SAMHD1: variants seen among roughly 807,000 people sequenced by gnomAD.
SAMHD1 encodes the protein deoxynucleoside triphosphate triphosphohydrolase SAMHD1.
A neutral mutation model predicts 79.6 loss-of-function variants in SAMHD1; 54 were observed. The ratio of observed to expected loss-of-function variants is 0.68; its 90% CI spans 0.55 to 0.85. The LOEUF (loss-of-function observed/expected upper bound fraction) is 0.85. Ranked by LOEUF, SAMHD1 falls within the 40% of genes least tolerant of loss-of-function variation. SAMHD1 has a pLI of 0.00. For missense variants in SAMHD1, 663 were observed against 782.7 expected (o/e 0.85, Z 1.82); for synonymous variants, 260 against 264.1 (o/e 0.98, Z 0.15).
intron 2 of SAMHD1, among the ~76,000 whole-genome samples, chr20:36,943,031 TCTAAGC>T (rs941085043): frequency 1.5e-4 from 23 of 152,260 alleles, no homozygotes; most frequent in African/African-American, 5.5e-4. Flanking sequence ...GGAGTGCTTG[TCTAAGC>T]TGGATTCTCC....
chr20:36,929,365 A>T (rs2063554859), intron 5 of SAMHD1, among the ~76,000 whole-genome samples: 1 of 152,126 alleles, frequency 6.6e-6, no homozygotes, highest in South Asian at 2.1e-4. Flanking sequence ...CCCTGAGGGT[A>T]CACACAAACT....
chr20:36,922,592 G>A (rs1199360828), intron 6 of SAMHD1, among the ~76,000 whole-genome samples: 1 of 152,138 alleles, frequency 6.6e-6, no homozygotes, highest in East Asian at 1.9e-4. Context: ...TGCCCAGGCT[G>A]GTGTTGAACT....
In SAMHD1 at chr20:36,905,463, T is replaced by C. The variant is rs777239309; in HGVS notation, c.1311A>G (p.Lys437=). ...TTAAAATCTCTCGTGCGTCTTTCAA[T>C]TTGGGATCAGTAGAGTATAAAATCT... The part of the protein sequence containing the change: ...FLEILYSTDP[K]LKDAREILKQ... The change falls in exon 12 of 16, where the codon AAA becomes AAG. Residue 437 remains lysine (K), a synonymous_variant. Transcript: ENST00000646673. The C allele has an allele frequency of 6.2e-7, 1 of 1,613,160 alleles. No homozygotes were observed. Among genetic ancestry groups the C allele is most frequent in the Admixed American group, 1.7e-5 (1 of 59,998 alleles).
intron 3 of SAMHD1, chr20:36,940,384 A>C (rs1424523697): frequency 6.6e-6 from 1 of 152,570 alleles, no homozygotes; most frequent in Non-Finnish European, 1.5e-5. Context: ...ACTTCTAGGG[A>C]GAAAAGGATA....
intron 4 of SAMHD1, among the ~76,000 whole-genome samples, chr20:36,934,356 T>C (rs945279564): frequency 6.6e-6 from 1 of 151,394 alleles, no homozygotes; most frequent in Non-Finnish European, 1.5e-5. Flanking sequence ...AAACCCCGTC[T>C]CTACTAAAAT....
At chr20:36,893,564 A>G in intron 15 of SAMHD1, 1 of 284,238 alleles carries the variant, frequency 3.5e-6, no homozygotes, top group South Asian at 1.4e-4. Flanking sequence ...GGCTCCAGCC[A>G]AAGAAGCTCC....
chr20:36,921,959 G>C (rs906206656), intron 6 of SAMHD1, among the ~76,000 whole-genome samples: 2 of 152,140 alleles, frequency 1.3e-5, no homozygotes, highest in African/African-American at 4.8e-5. Context: ...AAAGTGCTGG[G>C]ATTACAGATG....
In SAMHD1 at chr20:36,894,691, C is replaced by T. The variant is rs1265541308; in HGVS notation, c.1747-1625G>A. On this transcript the variant is annotated intron_variant, in intron 15 of 15. Coordinates refer to ENST00000646673, the MANE Select transcript of SAMHD1 (RefSeq NM_015474.4). ...CGGAGGCAGGAGAATCACTTCAACC[C>T]GGGAGGTGGAGGTTGCAGTGAGCTG... Among the ~76,000 whole-genome samples the T allele has an allele frequency of 3.3e-5, 5 of 151,454 alleles. No individual in the cohort carries two copies. In the South Asian group the frequency reaches 6.3e-4, roughly 19 times the overall value.
chr20:36,950,673 C>T (rs1279312679), intron 1 of SAMHD1, among the ~76,000 whole-genome samples: 1 of 152,170 alleles, frequency 6.6e-6, no homozygotes, highest in African/African-American at 2.4e-5. Context: ...GCTGGGGATT[C>T]AGTGGTCAAC....
chr20:36,919,926 G>A (rs1704123721), intron 6 of SAMHD1, among the ~76,000 whole-genome samples: 1 of 152,050 alleles, frequency 6.6e-6, no homozygotes, highest in Admixed American at 6.6e-5. Flanking sequence ...AGGGGTAACT[G>A]CAAACTTGCC....
rs1601113209 is a variant in SAMHD1 at position 36,898,481 on chromosome 20, T to A, written c.1567A>T (p.Lys523Ter). 1.2e-6 allele frequency: 2 copies of A among 1,613,980 alleles called. No individual in the cohort carries two copies. The highest frequency in any genetic ancestry group is 4.5e-5 in the East Asian group (2 of 44,898). Residue 523 changes from lysine (K) to a stop codon, truncating the protein, a stop_gained, in exon 14 of 16, where the codon AAG becomes TAG. Coordinates refer to ENST00000646673, the MANE Select transcript of SAMHD1 (RefSeq NM_015474.4). LOFTEE classifies it high-confidence loss of function. Reference sequence around the variant, plus strand: ...CTGATTGCTCTGTTGGGGGCAGTCTTACAATAGAAGCTAACATGATCAATT... The same window carrying A: ...CTGATTGCTCTGTTGGGGGCAGTCTAACAATAGAAGCTAACATGATCAATT... ...NPIDHVSFYC[K>*]TAPNRAIRIT... is the part of the protein sequence containing the mutation.
At chr20:36,932,821 C>T (rs761471185) in intron 4 of SAMHD1, among the ~76,000 whole-genome samples, 5 of 151,386 alleles carry the variant, frequency 3.3e-5, no homozygotes, top group Admixed American at 6.6e-5. Context: ...TTTTGGCAAT[C>T]GATTGGTTGC....
chr20:36,912,553 C>T lies in SAMHD1; in HGVS notation c.1063-1G>A. On this transcript the variant is annotated splice_acceptor_variant, in intron 9 of 15. Coordinates refer to ENST00000646673, the MANE Select transcript of SAMHD1 (RefSeq NM_015474.4). LOFTEE classifies it high-confidence loss of function. ...ACATGTCATACAGATTTCCAACTTC[C>T]TGCAGGAAAACATGAAGTAAATATT... 1.2e-6 allele frequency: 2 copies of T among 1,600,810 alleles called. No individual in the cohort carries two copies. The highest frequency in any genetic ancestry group is 8.6e-7 in the Non-Finnish European group (1 of 1,168,358).
intron 15 of SAMHD1, 192 bp from the exon 16 acceptor site, chr20:36,893,258 C>A: frequency 1.5e-6 from 1 of 659,022 alleles, no homozygotes; most frequent in Non-Finnish European, 2.6e-6. Context: ...CAGTCTTACG[C>A]AGGAAGAGCC....
At chr20:36,940,962 C>G (rs1289602856) in intron 3 of SAMHD1, 77 bp downstream of exon 3, 1 of 1,110,048 alleles carries the variant, frequency 9.0e-7, no homozygotes, top group East Asian at 2.4e-5. Context: ...TCCTCCTATT[C>G]TCTTCAAAAT....
intron 2 of SAMHD1, 58 bp downstream of exon 2, chr20:36,946,680 C>G: frequency 7.2e-7 from 1 of 1,383,198 alleles, no homozygotes; most frequent in Non-Finnish European, 1.0e-6. Context: ...GGGCTTTGTC[C>G]CTGAAAGATG....
chr20:36,928,678 C>G (rs1485768051), intron 5 of SAMHD1, among the ~76,000 whole-genome samples: 1 of 148,012 alleles, frequency 6.8e-6, no homozygotes, highest in Non-Finnish European at 1.5e-5. Context: ...GAGCGAGATT[C>G]TGTCTCGGGA....
At chr20:36,943,721 T>A (rs188202124) in intron 2 of SAMHD1, among the ~76,000 whole-genome samples, 1 of 152,218 alleles carries the variant, frequency 6.6e-6, no homozygotes, top group East Asian at 1.9e-4. Context: ...AGTAAGCAAC[T>A]ATTATGTACA....
chr20:36,951,266 CG>C (rs1182614477), intron 1 of SAMHD1, among the ~76,000 whole-genome samples, 169 bp downstream of exon 1: 2 of 152,214 alleles, frequency 1.3e-5, no homozygotes, highest in African/African-American at 4.8e-5. Flanking sequence ...TCCCCCGCCT[CG>C]GGTCTTCCTT....
Sources: gnomAD v4.1 joint callset for allele counts (sites outside exome capture counted in the v4.1 genomes callset) on GRCh38, gnomAD v4.1.1 for gene constraint, MANE v1.5 for transcripts, NCBI Gene and HGNC (gene_info 2026-07-23, HGNC 2026-07-21) for gene names.